PCSK6: variants seen among roughly 807,000 people sequenced by gnomAD.
PCSK6 encodes the protein paired basic amino acid cleaving enzyme 4.
A neutral mutation model predicts 123.3 loss-of-function variants in PCSK6; 85 were observed. The ratio of observed to expected loss-of-function variants is 0.69; its 90% CI spans 0.58 to 0.83. The LOEUF (loss-of-function observed/expected upper bound fraction) is 0.83. Ranked by LOEUF, PCSK6 falls within the 40% of genes least tolerant of loss-of-function variation. PCSK6 has a pLI of 0.00. For synonymous variants in PCSK6, 508 were observed against 516.0 expected (o/e 0.98, Z 0.21); for missense variants, 1,191 against 1,282.3 (o/e 0.93, Z 1.09).
chr15:101,403,364 A>G (rs2042663231), intron 6 of PCSK6, among the ~76,000 whole-genome samples: 1 of 151,576 alleles, frequency 6.6e-6, no homozygotes, highest in South Asian at 2.1e-4. Context: ...TGGCACATGT[A>G]CACATATGTA....
Position 101,307,213 on chromosome 15 carries a change from C to T in PCSK6, c.2812G>A (p.Ala938Thr), listed in dbSNP as rs766544782. Residue 938 changes from alanine to threonine, a missense_variant and splice_region_variant, in exon 21 of 22, where the codon GCT becomes ACT. Ala to Thr is a moderately conservative substitution (Grantham distance 58). Transcript: ENST00000611716. ...SCITNHTCSN[A>T]DETFCEMVKS... ...CCAGGGTAACCCAGCTGCTGCTCAC[C>T]GTTGCTGCACGTGTGGTTGGTGATG... 41 of 1,610,574 alleles carry T rather than the reference C, an allele frequency of 2.5e-5. No homozygotes were observed. Among genetic ancestry groups the T allele is most frequent in the Admixed American group, 3.3e-5 (2 of 59,924 alleles).
chr15:101,358,521 A>AG (rs1341791796), intron 13 of PCSK6, among the ~76,000 whole-genome samples: 1 of 152,172 alleles, frequency 6.6e-6, no homozygotes, highest in East Asian at 1.9e-4. Context: ...TGGGCTCCTC[A>AG]GGGGCAGGAA....
chr15:101,446,136 G>A (rs1471592330), intron 1 of PCSK6, among the ~76,000 whole-genome samples: 3 of 152,252 alleles, frequency 2.0e-5, no homozygotes, highest in African/African-American at 7.2e-5. Flanking sequence ...CTTATGTCCG[G>A]CCTAGCATGA....
intron 1 of PCSK6, among the ~76,000 whole-genome samples, chr15:101,453,595 G>A (rs1017794795): frequency 6.6e-5 from 10 of 152,152 alleles, no homozygotes; most frequent in African/African-American, 2.4e-4. Context: ...GCGCTCTCCC[G>A]AGTTTTTAAT....
At chr15:101,423,661 GGTTAAAAAAATGAACA>G (rs1197315250) in intron 6 of PCSK6, among the ~76,000 whole-genome samples, 1 of 151,916 alleles carries the variant, frequency 6.6e-6, no homozygotes, top group Non-Finnish European at 1.5e-5. Flanking sequence ...GAGAAAAAAG[GGTTAAAAAAATGAACA>G]GTGCCTCAGT....
chr15:101,431,540 C>A, intron 3 of PCSK6, 77 bp from the exon 4 acceptor site: 3 of 1,575,252 alleles, frequency 1.9e-6, no homozygotes, highest in African/African-American at 1.3e-5. Flanking sequence ...GCACACCCCA[C>A]AGGGAGGCGC....
intron 13 of PCSK6, among the ~76,000 whole-genome samples, chr15:101,363,213 G>A (rs900567071): frequency 6.6e-6 from 1 of 152,210 alleles, no homozygotes; most frequent in African/African-American, 2.4e-5. Flanking sequence ...ACAGTTCCAT[G>A]GGGGATTGAC....
intron 13 of PCSK6, among the ~76,000 whole-genome samples, chr15:101,335,016 G>C (rs1186496430): frequency 2.0e-5 from 3 of 152,212 alleles, no homozygotes; most frequent in African/African-American, 7.2e-5. Flanking sequence ...CTGGAGTACA[G>C]TGGTACGATC....
At chr15:101,427,714 A>G (rs548845574) in intron 6 of PCSK6, among the ~76,000 whole-genome samples, 178 bp downstream of exon 6, 94 of 152,350 alleles carry the variant, frequency 6.2e-4, no homozygotes, top group Middle Eastern at 6.8e-3. Context: ...TGAGGCCCCA[A>G]TCCCTGTGGG....
intron 6 of PCSK6, among the ~76,000 whole-genome samples, chr15:101,420,190 CAAAAAA>C (rs369741613): frequency 1.2e-5 from 1 of 84,470 alleles, no homozygotes. Context: ...GATTCTGTCT[CAAAAAA>C]AAAAAAAAAA....
intron 2 of PCSK6, among the ~76,000 whole-genome samples, chr15:101,441,786 G>A (rs866390978): frequency 6.6e-6 from 1 of 152,196 alleles, no homozygotes; most frequent in Admixed American, 6.5e-5. Context: ...AACTATCCGC[G>A]TGGTGGCAAT....
At chr15:101,458,381 T>C (rs1272255833) in intron 1 of PCSK6, among the ~76,000 whole-genome samples, 8 of 152,104 alleles carry the variant, frequency 5.3e-5, no homozygotes, top group Admixed American at 5.2e-4. Flanking sequence ...TAAACCCAAA[T>C]GCCGTAGAGA....
In PCSK6 at chr15:101,441,171, G is replaced by A. The variant is rs552473408; in HGVS notation, c.402+2385C>T. Among the ~76,000 whole-genome samples the A allele has an allele frequency of 2.6e-5, 4 of 152,284 alleles. No individual in the cohort carries two copies. In the East Asian group the frequency reaches 5.8e-4, roughly 22 times the overall value. ...TTATTTGAAAAAATTTAACTGCTAC[G>A]TTAGCCTTTGCCTAGGAAGTCTCTA... is the stretch of plus-strand genomic sequence containing the variant. On this transcript the variant is annotated intron_variant, in intron 2 of 21. Transcript: ENST00000611716.
intron 6 of PCSK6, among the ~76,000 whole-genome samples, chr15:101,420,073 C>G (rs1041516557): frequency 3.3e-5 from 5 of 151,498 alleles, no homozygotes; most frequent in African/African-American, 1.2e-4. Flanking sequence ...CACCTGTAAT[C>G]CCAGGTACTC....
chr15:101,481,321 G>C (rs1194833230), intron 1 of PCSK6, among the ~76,000 whole-genome samples: 8 of 127,260 alleles, frequency 6.3e-5, no homozygotes, highest in Non-Finnish European at 1.2e-4. Flanking sequence ...GGCGAATCTG[G>C]TGACGGGTGG....
chr15:101,436,528 C>T (rs895698670), intron 2 of PCSK6, among the ~76,000 whole-genome samples: 3 of 152,228 alleles, frequency 2.0e-5, no homozygotes, highest in Non-Finnish European at 4.4e-5. Flanking sequence ...ACCTGACTGT[C>T]CACCAGGGCA....
chr15:101,437,608 G>T (rs985563587), intron 2 of PCSK6, among the ~76,000 whole-genome samples: 5 of 152,188 alleles, frequency 3.3e-5, no homozygotes, highest in Admixed American at 6.5e-5. Context: ...AACTACAGGT[G>T]CCAGAAGACC....
At chr15:101,396,469 A>C (rs931691332) in intron 7 of PCSK6, among the ~76,000 whole-genome samples, 24 of 152,322 alleles carry the variant, frequency 1.6e-4, no homozygotes, top group Middle Eastern at 3.4e-3. Flanking sequence ...CACCATCCAA[A>C]GCAATATGTT....
chr15:101,402,168 G>T (rs1232570563), intron 6 of PCSK6, among the ~76,000 whole-genome samples: 2 of 146,218 alleles, frequency 1.4e-5, no homozygotes, highest in African/African-American at 2.6e-5. Flanking sequence ...AAGCAATGGG[G>T]AAAGGATTCC....
Sources: allele counts gnomAD v4.1 joint callset (sites outside exome capture counted in the v4.1 genomes callset), GRCh38; gene constraint gnomAD v4.1.1; transcripts MANE v1.5; gene names NCBI Gene and HGNC (gene_info 2026-07-23, HGNC 2026-07-21).